The following HSPG2 variants were observed in gnomAD, a reference collection of about 807,000 sequenced individuals.
HSPG2 encodes the protein basement membrane-specific heparan sulfate proteoglycan core protein.
A neutral mutation model predicts 526.6 loss-of-function variants in HSPG2; 278 were observed. The ratio of observed to expected loss-of-function variants is 0.53; its 90% CI spans 0.48 to 0.58. The LOEUF is 0.58. Among genes scored for constraint, HSPG2 ranks in the 20% least tolerant of loss-of-function variants. The probability of loss-of-function intolerance (pLI) is 0.00; values close to 1 mark genes in which losing one functional copy is unlikely to be tolerated. For synonymous variants in HSPG2, 2,465 were observed against 2,555.4 expected, an observed-to-expected ratio of 0.96 and a Z score of 1.07; for missense variants, 5,354 against 6,099.5, an observed-to-expected ratio of 0.88 and a Z score of 4.07.
chr1:21,880,057 A>G (rs1641377139), intron 17 of HSPG2, 50 bp downstream of exon 17: 8 of 1,605,280 alleles, frequency 5.0e-6, no homozygotes, highest in Non-Finnish European at 6.8e-6. Context: ...AATCTCACAC[A>G]TTGTCCCTTC....
intron 1 of HSPG2, among the ~76,000 whole-genome samples, chr1:21,932,938 G>T (rs894464425): frequency 6.6e-6 from 1 of 152,172 alleles, no homozygotes; most frequent in Non-Finnish European, 1.5e-5. Context: ...AAAAGAAAAG[G>T]CTGGGTGCAG....
Position 21,904,263 on chromosome 1 carries a change from C to T in HSPG2, c.64-7953G>A, listed in dbSNP as rs1319231037. On this transcript the variant is annotated intron_variant, in intron 1 of 96. Coordinates refer to ENST00000374695, the MANE Select transcript of HSPG2 (RefSeq NM_005529.7). The surrounding 1 kb of genome is among the most constrained non-coding windows in gnomAD (Gnocchi z 4.4). ...ATTTCCAGAAGAAATGCTAACTCAGCTGGGCCTGAGAGATGACTTCACCTA... is the reference window on the plus strand; with the variant it reads ...ATTTCCAGAAGAAATGCTAACTCAGTTGGGCCTGAGAGATGACTTCACCTA... Among the ~76,000 whole-genome samples the T allele has an allele frequency of 6.6e-6, 1 of 152,168 alleles. No homozygotes were observed. Among genetic ancestry groups the T allele is most frequent in the African/African-American group, 2.4e-5 (1 of 41,436 alleles).
chr1:21,895,879 G>A lies in HSPG2; in HGVS notation c.244+43C>T, dbSNP rs1642709240. 1.9e-6 allele frequency: 3 copies of A among 1,600,408 alleles called. No individual in the cohort carries two copies. The highest frequency in any genetic ancestry group is 3.3e-5 in the Admixed American group (2 of 59,958). On this transcript the variant is annotated intron_variant, in intron 3 of 96. Coordinates refer to ENST00000374695, the MANE Select transcript of HSPG2 (RefSeq NM_005529.7). The surrounding 1 kb of genome is among the most constrained non-coding windows in gnomAD (Gnocchi z 4.1). ...AGGAGACTGGCTCTGGGGCTTCCCT[G>A]GGGGACAGGAGGGAGACCTGCAGGA... is the stretch of plus-strand genomic sequence containing the variant.
intron 71 of HSPG2, among the ~76,000 whole-genome samples, chr1:21,840,802 T>C (rs2098045427): frequency 6.6e-6 from 1 of 152,096 alleles, no homozygotes; most frequent in South Asian, 2.1e-4. Context: ...CTTTCCTTGG[T>C]TTTTAGCTGT....
Position 21,832,579 on chromosome 1 carries a change from C to T in HSPG2, c.11123G>A (p.Arg3708Gln), listed in dbSNP as rs750672057. ...CAGGTTGGTGGGGCTCCCTGGGACT[C>T]GCTTCTGCCCATTGTACAGCAGCAT... The part of the protein sequence containing the change: ...DGMLLYNGQK[R>Q]VPGSPTNLAN... The change falls in exon 81 of 97, where the codon CGA becomes CAA. Residue 3708 changes from arginine to glutamine, a missense_variant. Coordinates refer to ENST00000374695, the MANE Select transcript of HSPG2 (RefSeq NM_005529.7). 53 of 1,614,142 alleles carry T rather than the reference C, an allele frequency of 3.3e-5. No individual in the cohort carries two copies. Among genetic ancestry groups the T allele is most frequent in the South Asian group, 4.4e-5 (4 of 91,084 alleles).
In HSPG2 at chr1:21,850,048, C is replaced by G. The variant is rs773374399; in HGVS notation, c.7439G>C (p.Arg2480Pro). ...TGAGCTCCTGCCTCCTACCTGGTGC[C>G]GGGCCGGGAGGCTGCCCCCGCGCTT... ...WHKRGGSLPA[R>P]HQVHGSRLRL... The change falls in exon 57 of 97, where the codon CGG (arginine) becomes CCG (proline). Residue 2480 changes from arginine (R) to proline (P), a missense_variant. Coordinates refer to ENST00000374695, the MANE Select transcript of HSPG2 (RefSeq NM_005529.7). The G allele has an allele frequency of 2.5e-6, 4 of 1,613,134 alleles. No individual in the cohort carries two copies. Among genetic ancestry groups the G allele is most frequent in the South Asian group, 1.1e-5 (1 of 91,066 alleles).
chr1:21,893,243 A>G lies in HSPG2; in HGVS notation c.245-2549T>C, dbSNP rs1379335595. ...ATTGGCCTGTGCTGGGGTGGACACA[A>G]GTGGCCTCTGGAATGCAGGGCCTGG... On this transcript the variant is annotated intron_variant, in intron 3 of 96. Coordinates refer to ENST00000374695, the MANE Select transcript of HSPG2 (RefSeq NM_005529.7). The surrounding 1 kb of genome is among the most constrained non-coding windows in gnomAD (Gnocchi z 4.3). Among the ~76,000 whole-genome samples, 1 of 152,152 alleles carries G rather than the reference A, an allele frequency of 6.6e-6. No homozygotes were observed. The highest frequency in any genetic ancestry group is 1.9e-4 in the East Asian group (1 of 5,182).
intron 6 of HSPG2, among the ~76,000 whole-genome samples, chr1:21,889,532 C>CTCGGGTCTAACGGGTATGTGCTAGAGG (rs1642194629): frequency 6.6e-6 from 1 of 152,126 alleles, no homozygotes; most frequent in African/African-American, 2.4e-5. Flanking sequence ...TGATTCTGGA[C>CTCGGGTCTAACGGGTATGTGCTAGAGG]AAATTTAGAT....
chr1:21,895,822 A>G lies in HSPG2; in HGVS notation c.244+100T>C. The G allele has an allele frequency of 9.4e-7, 1 of 1,063,444 alleles. No homozygotes were observed. The highest frequency in any genetic ancestry group is 1.6e-5 in the African/African-American group (1 of 64,328). 65.9% of individuals were successfully genotyped at this position (1,063,444 alleles called of 1,614,324 possible). The stretch of plus-strand genomic sequence containing the variant: ...TCACACCCACTTCTTCTTGCTTTGT[A>G]CCCCAGGGCAGGCCCAAGGAGCCCT... On this transcript the variant is annotated intron_variant, in intron 3 of 96. Coordinates refer to ENST00000374695, the MANE Select transcript of HSPG2 (RefSeq NM_005529.7). The surrounding 1 kb of genome is among the most constrained non-coding windows in gnomAD (Gnocchi z 4.1).
In HSPG2 at chr1:21,834,949, G is replaced by T; in HGVS notation, c.10454-4C>A. Reference sequence around the variant, plus strand: ...TTGATGAGCACCGAGGGCAGGGCTGGGGAGGAGGGAGGCAGAGGTCCAGTG... The same window carrying T: ...TTGATGAGCACCGAGGGCAGGGCTGTGGAGGAGGGAGGCAGAGGTCCAGTG... On this transcript the variant is annotated splice_region_variant and splice_polypyrimidine_tract_variant and intron_variant, in intron 76 of 96. Transcript: ENST00000374695. The T allele has an allele frequency of 6.2e-7, 1 of 1,610,642 alleles. No individual in the cohort carries two copies. Among genetic ancestry groups the T allele is most frequent in the South Asian group, 1.1e-5 (1 of 91,078 alleles).
Position 21,846,167 on chromosome 1 carries a change from A to G in HSPG2, c.8405T>C (p.Leu2802Pro). 1 of 1,613,076 alleles carries G rather than the reference A, an allele frequency of 6.2e-7. No homozygotes were observed. The highest frequency in any genetic ancestry group is 8.5e-7 in the Non-Finnish European group (1 of 1,180,006). ...VCRVMGSSGP[L>P]EASVLVTIEA... ...GATGGTGACCAGGACTGAGGCCTCC[A>G]GGGGGCCAGAGCTGCCCATCACCCG... The change falls in exon 64 of 97, where the codon CTG (leucine) becomes CCG (proline). Residue 2802 changes from leucine to proline, a missense_variant. Coordinates refer to ENST00000374695, the MANE Select transcript of HSPG2 (RefSeq NM_005529.7).
intron 37 of HSPG2, among the ~76,000 whole-genome samples, chr1:21,863,065 A>ACAAAAAC (rs1284437509): frequency 1.1e-4 from 8 of 72,668 alleles, no homozygotes; most frequent in South Asian, 1.1e-3. Flanking sequence ...CATCTCAAAA[A>ACAAAAAC]AAAAAAAAAA....
rs553310741 is a variant in HSPG2, at chr1:21,857,102, C to T, written c.5488G>A (p.Val1830Ile). ...DFNGILTIRN[V>I]QLSDAGTYVC... ...TAGGTGCCTGCATCACTCAGCTGGACGTTGCGAATGGTCAGGATGCCATTG... is the reference window on the plus strand; with the variant it reads ...TAGGTGCCTGCATCACTCAGCTGGATGTTGCGAATGGTCAGGATGCCATTG... The change falls in exon 44 of 97, where the codon GTC becomes ATC. Residue 1830 changes from valine (V) to isoleucine (I), a missense_variant. Physicochemically the swap from Val to Ile is conservative, Grantham distance 29. Coordinates refer to ENST00000374695, the MANE Select transcript of HSPG2 (RefSeq NM_005529.7). 1.6e-5 allele frequency: 26 copies of T among 1,614,140 alleles called. No homozygotes were observed. Among genetic ancestry groups the T allele is most frequent in the South Asian group, 4.4e-5 (4 of 91,078 alleles).
chr1:21,887,348 C>A lies in HSPG2; in HGVS notation c.959-14G>T, dbSNP rs768298313. 1 of 1,613,940 alleles carries A rather than the reference C, an allele frequency of 6.2e-7. No individual in the cohort carries two copies. Among genetic ancestry groups the A allele is most frequent in the East Asian group, 2.2e-5 (1 of 44,882 alleles). On this transcript the variant is annotated splice_polypyrimidine_tract_variant and intron_variant, in intron 8 of 96. Transcript: ENST00000374695. This position sits in a 1 kb window ranked among gnomAD's most constrained non-coding sequence, Gnocchi z 5.0. ...GTGGCGGGGGGCCTAGGAGACCGGG[C>A]AGGGGTCAGCAGCATCCTCCCGGGC...
intron 21 of HSPG2, 99 bp downstream of exon 21, chr1:21,878,087 G>A (rs1572334605): frequency 8.8e-7 from 1 of 1,134,212 alleles, no homozygotes; most frequent in African/African-American, 1.5e-5. Flanking sequence ...ACCACCCACT[G>A]GCCAAGGATC....
Position 21,838,836 on chromosome 1 carries a change from A to G in HSPG2, c.10139T>C (p.Leu3380Pro), listed in dbSNP as rs1180582720. 1 of 1,612,380 alleles carries G rather than the reference A, an allele frequency of 6.2e-7. No homozygotes were observed. ...KVGSAEAFAQ[L>P]LVQGPPGSLP... ...CCGGGGCTGCTTACCTTGGACGAGCAGCTGGGCAAAGGCCTCGGCTGAGCC... is the reference window on the plus strand; with the variant it reads ...CCGGGGCTGCTTACCTTGGACGAGCGGCTGGGCAAAGGCCTCGGCTGAGCC... Residue 3380 changes from leucine (L) to proline (P), a missense_variant, in exon 74 of 97, where the codon CTG (leucine) becomes CCG (proline). By Grantham distance (98) the Leu-to-Pro change is moderately conservative (BLOSUM62 -3). Coordinates refer to ENST00000374695, the MANE Select transcript of HSPG2 (RefSeq NM_005529.7).
At chr1:21,833,763 G>A in intron 78 of HSPG2, 53 bp downstream of exon 78, 1 of 1,516,592 alleles carries the variant, frequency 6.6e-7, no homozygotes, top group Non-Finnish European at 9.0e-7. Flanking sequence ...AGACGCTTCA[G>A]ATCTGTTCCC....
Position 21,887,646 on chromosome 1 carries a change from T to C in HSPG2, c.732A>G (p.Thr244=), listed in dbSNP as rs139842104. The C allele has an allele frequency of 9.6e-4, 1,542 of 1,613,920 alleles. 1 individual carries two copies. The highest frequency in any genetic ancestry group is 1.3e-3 in the Non-Finnish European group (1,487 of 1,180,002). Residue 244 remains threonine, a synonymous_variant, in exon 8 of 97, where the codon ACA becomes ACG. Coordinates refer to ENST00000374695, the MANE Select transcript of HSPG2 (RefSeq NM_005529.7). This position sits in a 1 kb window ranked among gnomAD's most constrained non-coding sequence, Gnocchi z 5.0. The stretch of plus-strand genomic sequence containing the variant: ...ATGTCGTCTCCACAAGGAGAGAGAA[T>C]GTGGGGCTGATACCCAGGACTGGCT... ...CEEPVLGISP[T]FSLLVETTSL...
At position 21,883,004 on chromosome 1, in the gene HSPG2, CCATCCA is replaced by C. The variant is rs1488547865; in HGVS notation, c.1655-1508_1655-1503del. Among the ~76,000 whole-genome samples, 29 of 152,274 alleles carry C rather than the reference CCATCCA, an allele frequency of 1.9e-4. 1 individual carries two copies. Among genetic ancestry groups the C allele is most frequent in the African/African-American group, 7.0e-4 (29 of 41,554 alleles). Reference sequence around the variant, plus strand: ...CTTCAGGCCTCCTCCCTCCTGGTCACCATCCACACACAGGCCACCTGCTCACCCTGG... The same window carrying C: ...CTTCAGGCCTCCTCCCTCCTGGTCACCACACAGGCCACCTGCTCACCCTGG... On this transcript the variant is annotated intron_variant, in intron 13 of 96. Transcript: ENST00000374695.
Sources: allele counts gnomAD v4.1 joint callset (sites outside exome capture counted in the v4.1 genomes callset), GRCh38; gene constraint gnomAD v4.1.1; non-coding constraint Gnocchi (gnomAD v3.1); transcripts MANE v1.5; gene names NCBI Gene and HGNC (gene_info 2026-07-23, HGNC 2026-07-21).